The following VASP variants were observed in gnomAD, a reference collection of about 807,000 sequenced individuals.
The protein encoded by VASP is vasodilator stimulated phosphoprotein.
In VASP, 27 loss-of-function variants were observed where a neutral mutation model predicts 54.4. That is an observed-to-expected ratio of 0.50 (90% confidence interval 0.37 to 0.68). The LOEUF is 0.68. Among genes scored for constraint, VASP ranks in the 30% least tolerant of loss-of-function variants. VASP has a pLI of 0.00. For missense variants in VASP, 488 were observed against 528.3 expected, an observed-to-expected ratio of 0.92 and a Z score of 0.75; for synonymous variants, 233 against 209.8, an observed-to-expected ratio of 1.11 and a Z score of -0.96.
chr19:45,519,963 G>A (rs561937788), intron 3 of VASP, among the ~76,000 whole-genome samples: 114 of 136,870 alleles, frequency 8.3e-4, no homozygotes, highest in Non-Finnish European at 1.6e-3. Flanking sequence ...GGAGTGCAGT[G>A]GTGTGATCTC....
intron 1 of VASP, among the ~76,000 whole-genome samples, chr19:45,512,387 C>T (rs1231763831): frequency 6.6e-6 from 1 of 150,874 alleles, no homozygotes; most frequent in Admixed American, 6.6e-5. Flanking sequence ...CTCCCAGGTT[C>T]AAGCAATTCT....
At chr19:45,508,522 C>T (rs1378088729) in intron 1 of VASP, among the ~76,000 whole-genome samples, 1 of 152,142 alleles carries the variant, frequency 6.6e-6, no homozygotes, top group Non-Finnish European at 1.5e-5. Context: ...GCCCGGCTCC[C>T]CCACCTGCGC....
chr19:45,523,562 A>C, intron 7 of VASP, 82 bp from the exon 8 acceptor site: 8 of 1,503,112 alleles, frequency 5.3e-6, no homozygotes, highest in Non-Finnish European at 7.3e-6. Context: ...TCTATGCGCT[A>C]GGATCTACAT....
intron 4 of VASP, among the ~76,000 whole-genome samples, chr19:45,521,878 CAA>C (rs922602378): frequency 2.4e-5 from 3 of 123,346 alleles, no homozygotes; most frequent in African/African-American, 3.0e-5. Context: ...GACAGAGTCT[CAA>C]AAAAAAAAAA....
rs564083281 is a variant in VASP at position 45,523,336 on chromosome 19, G to A, written c.822-308G>A. Among the ~76,000 whole-genome samples the A allele has an allele frequency of 4.6e-5, 7 of 150,914 alleles. No homozygotes were observed. The East Asian group carries it at 5.9e-4, about 13-fold the overall frequency. On this transcript the variant is annotated intron_variant, in intron 7 of 12. Coordinates refer to ENST00000245932, the MANE Select transcript of VASP (RefSeq NM_003370.4). ...TTCTGCCTCAGCCTCCTAAGTAGCC[G>A]GGATTACAGGCATGAGTCACCACAC... is the stretch of plus-strand genomic sequence containing the variant.
intron 11 of VASP, among the ~76,000 whole-genome samples, chr19:45,525,513 AC>A (rs1230699195): frequency 6.6e-6 from 1 of 152,204 alleles, no homozygotes; most frequent in Non-Finnish European, 1.5e-5. Flanking sequence ...AGCCTGGCCA[AC>A]ATGGCGAAAC....
chr19:45,522,925 C>T lies in VASP; in HGVS notation c.821+107C>T. The stretch of plus-strand genomic sequence containing the variant: ...TAGTTTGTTTCTTTTGGTGAATGTT[C>T]CCCCTTTGATAACCAGGTTTGGGAT... On this transcript the variant is annotated intron_variant, in intron 7 of 12. Coordinates refer to ENST00000245932, the MANE Select transcript of VASP (RefSeq NM_003370.4). The T allele has an allele frequency of 5.9e-6, 7 of 1,181,674 alleles. No individual in the cohort carries two copies. In the South Asian group the frequency reaches 7.4e-5, roughly 12 times the overall value. The allele number at this position is 1,181,674 out of a possible 1,614,324, so 73.2% of individuals were successfully genotyped here.
intron 9 of VASP, 39 bp from the exon 10 acceptor site, chr19:45,524,057 CT>C: frequency 2.5e-6 from 4 of 1,613,882 alleles, no homozygotes; most frequent in Non-Finnish European, 3.4e-6. Flanking sequence ...GGGGGGCAGT[CT>C]TTTGTCCCTG....
chr19:45,519,992 C>A (rs1968797128), intron 3 of VASP, among the ~76,000 whole-genome samples: 1 of 149,470 alleles, frequency 6.7e-6, no homozygotes, highest in South Asian at 2.1e-4. Context: ...GCAACCTCCG[C>A]CTCCTGAGTT....
At chr19:45,512,566 G>A (rs1355940761) in intron 1 of VASP, among the ~76,000 whole-genome samples, 1 of 150,890 alleles carries the variant, frequency 6.6e-6, no homozygotes, top group Non-Finnish European at 1.5e-5. Flanking sequence ...GGGATTACAG[G>A]CTTGAGCCAC....
At position 45,524,131 on chromosome 19, in the gene VASP, A is replaced by G. The variant is rs1377882000; in HGVS notation, c.945A>G (p.Thr315=). ...GGAGACCCTGGGAGAAGAACAGCAC[A>G]ACCTTGCCAAGGTAGGCCATCGGTC... ...SVRRPWEKNS[T]TLPRMKSSSS... The change falls in exon 10 of 13, where the codon ACA becomes ACG. Residue 315 remains threonine, a synonymous_variant. Transcript: ENST00000245932. The G allele has an allele frequency of 6.2e-7, 1 of 1,613,606 alleles. No homozygotes were observed. The highest frequency in any genetic ancestry group is 8.5e-7 in the Non-Finnish European group (1 of 1,180,020).
intron 3 of VASP, 108 bp from the exon 4 acceptor site, chr19:45,521,214 G>T: frequency 8.9e-7 from 1 of 1,127,590 alleles, no homozygotes; most frequent in South Asian, 1.4e-5. Context: ...AGGAGGAAGT[G>T]AGCGCCTCTG....
chr19:45,518,428 GGT>G (rs1968756234), intron 3 of VASP, among the ~76,000 whole-genome samples: 1 of 152,042 alleles, frequency 6.6e-6, no homozygotes, highest in Non-Finnish European at 1.5e-5. Context: ...TGGGCGTGGT[GGT>G]GCGCGCCTGT....
chr19:45,509,118 A>C (rs1033135530), intron 1 of VASP, among the ~76,000 whole-genome samples: 2 of 152,180 alleles, frequency 1.3e-5, no homozygotes, highest in African/African-American at 4.8e-5. Flanking sequence ...CTGCCCTTTG[A>C]CATCGGAGTG....
chr19:45,520,797 C>T (rs1028937245), intron 3 of VASP, among the ~76,000 whole-genome samples: 1 of 152,300 alleles, frequency 6.6e-6, no homozygotes, highest in Non-Finnish European at 1.5e-5. Context: ...AATCCCATCT[C>T]TATTAAAAAT....
rs1568390471 is a variant in VASP at position 45,523,189 on chromosome 19, A to ATTTTTTTTTTTTTTTTTT, written c.821+371_821+372insTTTTTTTTTTTTTTTTTT. Among the ~76,000 whole-genome samples, 2 of 106,970 alleles carry ATTTTTTTTTTTTTTTTTT rather than the reference A, an allele frequency of 1.9e-5. 1 individual carries two copies. The highest frequency in any genetic ancestry group is 3.6e-5 in the Non-Finnish European group (2 of 56,328). The allele number at this position is 106,970 out of a possible 152,430, so 70.2% of individuals were successfully genotyped here. A position where few individuals can be genotyped will look rare whatever the true frequency, so the allele number is the denominator to read the frequency against. ...CTGATTCTAGAACCACAATCTCTTG[A>ATTTTTTTTTTTTTTTTTT]ATTTTTTTTTTTTTTTTTTTTTTTT... On this transcript the variant is annotated intron_variant, in intron 7 of 12. Transcript: ENST00000245932.
In VASP at chr19:45,521,377, C is replaced by A; in HGVS notation, c.399C>A (p.Pro133=). Residue 133 remains proline (P), a synonymous_variant, in exon 4 of 13, where the codon CCC becomes CCA. Transcript: ENST00000245932. ...ALPTWSVPNG[P]SPEEVEQQKR... ...CCACCTGGTCGGTCCCGAACGGCCC[C>A]TCCCCGGAGGAGGTGGAGCAGCAGA... The A allele has an allele frequency of 6.3e-7, 1 of 1,579,316 alleles. No homozygotes were observed. Among genetic ancestry groups the A allele is most frequent in the East Asian group, 2.3e-5 (1 of 43,458 alleles).
chr19:45,524,093 C>G lies in VASP; in HGVS notation c.911-4C>G. The G allele has an allele frequency of 1.2e-6, 2 of 1,614,010 alleles. No homozygotes were observed. On this transcript the variant is annotated splice_region_variant and splice_polypyrimidine_tract_variant and intron_variant, in intron 9 of 12. Coordinates refer to ENST00000245932, the MANE Select transcript of VASP (RefSeq NM_003370.4). ...GATCTTTCTGATTTCTTGCCTATCC[C>G]CAGAATCTGTGCGGAGACCCTGGGA...
chr19:45,518,297 G>A (rs752327108), intron 3 of VASP, among the ~76,000 whole-genome samples: 3 of 152,172 alleles, frequency 2.0e-5, no homozygotes, highest in South Asian at 2.1e-4. Flanking sequence ...GCCCGGCGCC[G>A]TGGCTCATGC....
Sources: allele counts gnomAD v4.1 joint callset (sites outside exome capture counted in the v4.1 genomes callset), GRCh38; gene constraint gnomAD v4.1.1; transcripts MANE v1.5; gene names NCBI Gene and HGNC (gene_info 2026-07-23, HGNC 2026-07-21).